The following SYMPK variants were observed in gnomAD, a reference collection of about 807,000 sequenced individuals.
SYMPK encodes the protein symplekin scaffold protein, also known as symplekin.
A neutral mutation model predicts 136.4 loss-of-function variants in SYMPK; 49 were observed. The observed-to-expected ratio is 0.36, with a 90% CI of 0.29 to 0.46. The LOEUF (loss-of-function observed/expected upper bound fraction) is 0.46. SYMPK is among the 20% of genes least tolerant of loss of function. The pLI is 1.00. For synonymous variants in SYMPK, 766 were observed against 713.0 expected, an observed-to-expected ratio of 1.07 and a Z score of -1.19; for missense variants, 1,365 against 1,690.0, an observed-to-expected ratio of 0.81 and a Z score of 3.37.
intron 5 of SYMPK, among the ~76,000 whole-genome samples, chr19:45,849,922 G>GT (rs1369426348): frequency 6.6e-6 from 1 of 152,140 alleles, no homozygotes; most frequent in Non-Finnish European, 1.5e-5. Flanking sequence ...GCGGGCACCT[G>GT]TAACTCCAGC....
At chr19:45,826,013 G>A (rs777030364) in intron 17 of SYMPK, among the ~76,000 whole-genome samples, 1 of 152,162 alleles carries the variant, frequency 6.6e-6, no homozygotes, top group Non-Finnish European at 1.5e-5. Flanking sequence ...ACCGATGGCT[G>A]GCTCTCCTCG....
intron 1 of SYMPK, among the ~76,000 whole-genome samples, chr19:45,859,051 A>C (rs1600538283): frequency 6.6e-6 from 1 of 152,024 alleles, no homozygotes; most frequent in East Asian, 1.9e-4. Flanking sequence ...TGGGATCACA[A>C]GTCTCAGCCA....
At chr19:45,818,729 C>T (rs1035356110) in intron 22 of SYMPK, among the ~76,000 whole-genome samples, 15 of 152,142 alleles carry the variant, frequency 9.9e-5, no homozygotes, top group African/African-American at 3.6e-4. Context: ...CGATGACCCC[C>T]CGACTCAACA....
At chr19:45,860,246 A>C (rs1971931013) in intron 1 of SYMPK, among the ~76,000 whole-genome samples, 1 of 152,008 alleles carries the variant, frequency 6.6e-6, no homozygotes, top group Non-Finnish European at 1.5e-5. Context: ...ACCCGAGGTT[A>C]GCAGTTTGAG....
chr19:45,828,933 T>C (rs375287341), intron 14 of SYMPK, 37 bp downstream of exon 14: 1 of 1,597,784 alleles, frequency 6.3e-7, no homozygotes, highest in Non-Finnish European at 8.6e-7. Context: ...AGAGGAAGCC[T>C]CTCGGGGACA....
chr19:45,840,715 C>T (rs552151748), intron 9 of SYMPK, among the ~76,000 whole-genome samples: 13 of 151,242 alleles, frequency 8.6e-5, no homozygotes, highest in African/African-American at 2.7e-4. Flanking sequence ...TGGTGGCATT[C>T]GCCTGTAATT....
At chr19:45,842,150 T>G in intron 9 of SYMPK, 100 bp downstream of exon 9, 2 of 1,544,864 alleles carry the variant, frequency 1.3e-6, no homozygotes, top group Non-Finnish European at 1.8e-6. Context: ...TAACATAATC[T>G]ATAATATAAT....
intron 12 of SYMPK, chr19:45,830,427 C>T (rs934027533): frequency 1.8e-6 from 1 of 546,358 alleles, no homozygotes; most frequent in Non-Finnish European, 3.3e-6. Flanking sequence ...CGGAAGGCTT[C>T]TGTGAGTGGG....
chr19:45,834,186 G>A (rs558134067), intron 11 of SYMPK, among the ~76,000 whole-genome samples: 93 of 152,306 alleles, frequency 6.1e-4, no homozygotes, highest in African/African-American at 2.0e-3. Context: ...TACTCGGGAG[G>A]CTGAGGCAGG....
At chr19:45,857,179 C>T (rs1236691569) in intron 1 of SYMPK, among the ~76,000 whole-genome samples, 1 of 150,850 alleles carries the variant, frequency 6.6e-6, no homozygotes, top group Admixed American at 6.6e-5. Context: ...GAGGCCAAGG[C>T]GGACGGATCA....
At chr19:45,837,560 T>G (rs1026267732) in intron 10 of SYMPK, among the ~76,000 whole-genome samples, 10 of 135,664 alleles carry the variant, frequency 7.4e-5, no homozygotes, top group Non-Finnish European at 1.4e-4. Flanking sequence ...GAGATTACAG[T>G]GAGCTGAGAT....
intron 7 of SYMPK, among the ~76,000 whole-genome samples, chr19:45,844,982 A>G (rs1166013000): frequency 6.6e-6 from 1 of 152,242 alleles, no homozygotes; most frequent in Non-Finnish European, 1.5e-5. Context: ...TATCACCATC[A>G]GGGTAAATGG....
rs772121857 is a variant in SYMPK at position 45,848,768 on chromosome 19, G to A, written c.408C>T (p.Leu136=). ...CTCTCACCTGCAGGGCCACCTTGTA[G>A]AGCTGGGTCATGGTGAGGATAGCCT... ...VKKAILTMTQ[L]YKVALQWMVK... is the part of the protein sequence containing the mutation. Residue 136 remains leucine, a synonymous_variant, in exon 6 of 27, where the codon CTC becomes CTT. Coordinates refer to ENST00000245934, the MANE Select transcript of SYMPK (RefSeq NM_004819.3). 6 of 1,613,838 alleles carry A rather than the reference G, an allele frequency of 3.7e-6. No homozygotes were observed. The Admixed American group carries it at 1.0e-4, about 27-fold the overall frequency.
At chr19:45,840,342 A>AATTTGGTG (rs1490756296) in intron 9 of SYMPK, among the ~76,000 whole-genome samples, 40 of 148,790 alleles carry the variant, frequency 2.7e-4, no homozygotes, top group Non-Finnish European at 5.3e-4. Context: ...AAAAAAGACA[A>AATTTGGTG]ATTTGGTGGG....
intron 5 of SYMPK, among the ~76,000 whole-genome samples, chr19:45,850,307 A>G (rs1971668667): frequency 6.6e-6 from 1 of 152,146 alleles, no homozygotes; most frequent in South Asian, 2.1e-4. Context: ...ACCTTAAGAA[A>G]ATTCACTTCA....
In SYMPK at chr19:45,847,999, C is replaced by T. The variant is rs1379198525; in HGVS notation, c.429G>A (p.Trp143Ter). Reference sequence around the variant, plus strand: ...CGCTAATGACCCGTGACTTTACCATCCACTGCCAGCAGGCCAGGAAGGAAT... The same window carrying T: ...CGCTAATGACCCGTGACTTTACCATTCACTGCCAGCAGGCCAGGAAGGAAT... ...MTQLYKVALQ[W>*]MVKSRVISEL... Residue 143 changes from tryptophan (W) to a stop codon, truncating the protein, a stop_gained and splice_region_variant, in exon 7 of 27, where the codon TGG becomes TGA. Coordinates refer to ENST00000245934, the MANE Select transcript of SYMPK (RefSeq NM_004819.3). LOFTEE classifies it high-confidence loss of function. 3 of 1,577,668 alleles carry T rather than the reference C, an allele frequency of 1.9e-6. No homozygotes were observed. In the South Asian group the frequency reaches 3.5e-5, roughly 18 times the overall value.
chr19:45,825,344 G>A lies in SYMPK; in HGVS notation c.2330-13C>T, dbSNP rs952437171. 4.3e-6 allele frequency: 7 copies of A among 1,611,974 alleles called. No homozygotes were observed. Among genetic ancestry groups the A allele is most frequent in the African/African-American group, 2.7e-5 (2 of 74,908 alleles). ...GGTGCTGCCACCTCTGACAGGGCAG[G>A]AGCGGGCATCAGATTGGCCCACACT... On this transcript the variant is annotated splice_polypyrimidine_tract_variant and intron_variant, in intron 17 of 26. Coordinates refer to ENST00000245934, the MANE Select transcript of SYMPK (RefSeq NM_004819.3).
At chr19:45,848,627 C>T in intron 6 of SYMPK, 123 bp downstream of exon 6, 3 of 1,366,196 alleles carry the variant, frequency 2.2e-6, no homozygotes, top group African/African-American at 1.4e-5. Context: ...TCTGTTCCCA[C>T]AGACCAGTGG....
At chr19:45,837,314 G>A (rs1191521601) in intron 10 of SYMPK, among the ~76,000 whole-genome samples, 1 of 151,174 alleles carries the variant, frequency 6.6e-6, no homozygotes, top group East Asian at 1.9e-4. Flanking sequence ...TTCCTAGTGT[G>A]TGATAAGACA....
Sources: gnomAD v4.1 joint callset for allele counts (sites outside exome capture counted in the v4.1 genomes callset) on GRCh38, gnomAD v4.1.1 for gene constraint, MANE v1.5 for transcripts, NCBI Gene and HGNC (gene_info 2026-07-23, HGNC 2026-07-21) for gene names.